ZNF112: variants seen among roughly 807,000 people sequenced by gnomAD.
ZNF112 encodes zinc finger protein 112.
Under a neutral mutation model 77.7 loss-of-function variants are expected in ZNF112, and 37 were observed. That is an observed-to-expected ratio of 0.48 (90% confidence interval 0.37 to 0.63). The LOEUF is 0.63. Ranked by LOEUF, ZNF112 falls within the 20% of genes least tolerant of loss-of-function variation. The pLI is 0.00. For synonymous variants in ZNF112, 333 were observed against 363.6 expected, an observed-to-expected ratio of 0.92 and a Z score of 0.96; for missense variants, 950 against 1,077.4, an observed-to-expected ratio of 0.88 and a Z score of 1.66.
Position 44,327,673 on chromosome 19 carries a change from T to A in ZNF112, c.2484A>T (p.Lys828Asn), listed in dbSNP as rs145394863. The part of the protein sequence containing the change: ...HRVHTGEKPY[K>N]CEVCGKGFSQ... ...TGAAGCCCTTTCCACATACCTCACA[T>A]TTGTATGGTTTCTCTCCTGTGTGGA... Residue 828 changes from lysine (K) to asparagine (N), a missense_variant, in exon 4 of 4, where the codon AAA becomes AAT. Coordinates refer to ENST00000354340, the MANE Select transcript of ZNF112 (RefSeq NM_013380.4). 9.9e-6 allele frequency: 16 copies of A among 1,613,824 alleles called. No individual in the cohort carries two copies. Among genetic ancestry groups the A allele is most frequent in the Non-Finnish European group, 1.2e-5 (14 of 1,179,914 alleles).
exon 1 of ZNF112, chr19:44,367,198 G>A (rs973006996): frequency 6.6e-6 from 3 of 454,044 alleles, no homozygotes; most frequent in African/African-American, 4.0e-5. Context: ...CTTCCTGAAA[G>A]GAATGATGAC....
intron 1 of ZNF112, among the ~76,000 whole-genome samples, chr19:44,361,824 A>G: frequency 6.6e-6 from 1 of 152,208 alleles, no homozygotes; most frequent in East Asian, 1.9e-4. Flanking sequence ...AGTTGTAATA[A>G]ATATGCCACA....
In ZNF112 at chr19:44,327,278, G is replaced by A. The variant is rs574477553; in HGVS notation, c.*155C>T. On this transcript the variant is annotated 3_prime_UTR_variant, in exon 4 of 4. Transcript: ENST00000354340. ...TGTTAAAGTTCTAACAAAATCCCTC[G>A]TGAAACCCCTCTCATTAAATGTCTC... 5.7e-5 allele frequency: 35 copies of A among 612,672 alleles called. No individual in the cohort carries two copies. The highest frequency in any genetic ancestry group is 4.5e-4 in the East Asian group (16 of 35,770). 38.0% of individuals were successfully genotyped at this position (612,672 alleles called of 1,614,324 possible).
Position 44,336,716 on chromosome 19 carries a change from G to C in ZNF112, c.127C>G (p.His43Asp), listed in dbSNP as rs577574811. Reference sequence around the variant, plus strand: ...ATTAGGTCTGGCTTGAAGGGCTGATGTGCTGTAAAGAAGGAAAGGACAGCA... The same window carrying C: ...ATTAGGTCTGGCTTGAAGGGCTGATCTGCTGTAAAGAAGGAAAGGACAGCA... ...ENFRNLLLVA[H>D]QPFKPDLISQ... Residue 43 changes from histidine (H) to aspartate (D), a missense_variant and splice_region_variant, in exon 3 of 4, where the codon CAT becomes GAT. His to Asp is a moderately conservative substitution (Grantham distance 81). Around this residue, in one of 3 missense-constraint regions of ZNF112, gnomAD observed 560 missense variants for 557.3 expected, o/e 1.00. Transcript: ENST00000354340. 135 of 1,613,840 alleles carry C rather than the reference G, an allele frequency of 8.4e-5. 1 individual carries two copies. The South Asian group carries it at 1.4e-3, about 17-fold the overall frequency.
intron 2 of ZNF112, among the ~76,000 whole-genome samples, chr19:44,337,877 A>ACACC (rs1970415432): frequency 8.0e-6 from 1 of 124,414 alleles, no homozygotes; most frequent in African/African-American, 3.2e-5. Context: ...ACACACACAC[A>ACACC]CCCTAGCTCT....
At position 44,327,205 on chromosome 19, in the gene ZNF112, C is replaced by A. The variant is rs1328059359; in HGVS notation, c.*228G>T. 2.3e-6 allele frequency: 1 copy of A among 440,694 alleles called. No homozygotes were observed. Among genetic ancestry groups the A allele is most frequent in the Non-Finnish European group, 4.0e-6 (1 of 250,262 alleles). 27.3% of individuals were successfully genotyped at this position (440,694 alleles called of 1,614,324 possible). ...TCATCACTGTACTTTTATTAAATTCCTGACCATACTCATATTTTATAAGCC... is the reference window on the plus strand; with the variant it reads ...TCATCACTGTACTTTTATTAAATTCATGACCATACTCATATTTTATAAGCC... On this transcript the variant is annotated 3_prime_UTR_variant, in exon 4 of 4. Coordinates refer to ENST00000354340, the MANE Select transcript of ZNF112 (RefSeq NM_013380.4).
chr19:44,365,517 A>G (rs1364638917), intron 1 of ZNF112, among the ~76,000 whole-genome samples: 7 of 152,048 alleles, frequency 4.6e-5, no homozygotes, highest in Non-Finnish European at 1.0e-4. Context: ...GTATACACAC[A>G]CACACATACA....
Position 44,329,243 on chromosome 19 carries a change from T to C in ZNF112, c.914A>G (p.Asp305Gly), listed in dbSNP as rs763625595. 6 of 1,613,786 alleles carry C rather than the reference T, an allele frequency of 3.7e-6. No homozygotes were observed. The Admixed American group carries it at 1.0e-4, about 27-fold the overall frequency. The part of the protein sequence containing the change: ...LHIHQNIERE[D>G]DIENSHLKSY... ...TTTCAGATGTGAATTCTCAATATCATCTTCTCTCTCAATATTTTGATGAAT... is the reference window on the plus strand; with the variant it reads ...TTTCAGATGTGAATTCTCAATATCACCTTCTCTCTCAATATTTTGATGAAT... Residue 305 changes from aspartate (D) to glycine (G), a missense_variant, in exon 4 of 4, where the codon GAT becomes GGT. Coordinates refer to ENST00000354340, the MANE Select transcript of ZNF112 (RefSeq NM_013380.4).
intron 1 of ZNF112, among the ~76,000 whole-genome samples, chr19:44,350,398 T>C (rs1010006238): frequency 2.0e-5 from 3 of 152,040 alleles, no homozygotes; most frequent in African/African-American, 7.2e-5. Flanking sequence ...TGTGATTTTT[T>C]TTAAATCTCA....
At position 44,364,471 on chromosome 19, in the gene ZNF112, T is replaced by A. The variant is rs573636205; in HGVS notation, c.17+2610A>T. 7.9e-5 allele frequency among the ~76,000 whole-genome samples: 12 copies of A among 152,234 alleles called. 1 individual carries two copies. Among genetic ancestry groups the A allele is most frequent in the Admixed American group, 2.0e-4 (3 of 15,288 alleles). On this transcript the variant is annotated intron_variant, in intron 1 of 4. Transcript: ENST00000588057. ...TCTGAAATTTGGGCAGAGTTTAATG[T>A]AGAATAAGGGGCAATTCTTTGCTTG...
chr19:44,345,720 T>C (rs2123190366), intron 1 of ZNF112, among the ~76,000 whole-genome samples: 1 of 152,298 alleles, frequency 6.6e-6, no homozygotes. Context: ...CACACAGGAA[T>C]CTTTCATGTC....
At chr19:44,341,820 T>G (rs1267359525) in intron 1 of ZNF112, among the ~76,000 whole-genome samples, 3 of 152,262 alleles carry the variant, frequency 2.0e-5, no homozygotes, top group African/African-American at 4.8e-5. Context: ...AATGAACAAC[T>G]GTTCAGTCCC....
upstream of ZNF112, among the ~76,000 whole-genome samples, chr19:44,360,021 C>A (rs1321840269): frequency 1.3e-5 from 2 of 151,750 alleles, no homozygotes; most frequent in African/African-American, 2.4e-5. Flanking sequence ...CTTTGTGGGG[C>A]TAAGGCAAGC....
At chr19:44,354,439 T>A (rs1970749341) in intron 1 of ZNF112, among the ~76,000 whole-genome samples, 2 of 152,182 alleles carry the variant, frequency 1.3e-5, no homozygotes, top group South Asian at 4.1e-4. Context: ...TAAATGTTGT[T>A]ACCATTTCTA....
intron 1 of ZNF112, among the ~76,000 whole-genome samples, chr19:44,342,677 G>A (rs1970511897): frequency 6.6e-6 from 1 of 151,874 alleles, no homozygotes; most frequent in African/African-American, 2.4e-5. Flanking sequence ...ATAGCTCGGT[G>A]TGGTGGCAGG....
In ZNF112 at chr19:44,328,416, C is replaced by A. The variant is rs757990345; in HGVS notation, c.1741G>T (p.Gly581Trp). 3 of 1,614,088 alleles carry A rather than the reference C, an allele frequency of 1.9e-6. No homozygotes were observed. Among genetic ancestry groups the A allele is most frequent in the Non-Finnish European group, 8.5e-7 (1 of 1,180,008 alleles). Residue 581 changes from glycine to tryptophan, a missense_variant, in exon 4 of 4, where the codon GGG becomes TGG. Around this residue, in one of 3 missense-constraint regions of ZNF112, gnomAD observed 373 missense variants for 482.8 expected, o/e 0.77. Transcript: ENST00000354340. The stretch of plus-strand genomic sequence containing the variant: ...TATGAATTTCGACTGAACCCCTTCC[C>A]ACATTCCTCACATTTATAAGGTTTT... ...GEKPYKCEEC[G>W]KGFSRNSYLQ...
intron 3 of ZNF112, 41 bp downstream of exon 3, chr19:44,336,582 G>C (rs757131001): frequency 7.2e-6 from 11 of 1,526,258 alleles, no homozygotes; most frequent in Non-Finnish European, 1.0e-5. Context: ...TGTTCTAGAA[G>C]GGGCTCCCTG....
intron 1 of ZNF112, among the ~76,000 whole-genome samples, chr19:44,344,021 G>A (rs2571099): frequency 0.63 from 95,455 of 152,044 alleles, 30,220 homozygotes; most frequent in Admixed American, 0.74. Context: ...TATGAAAAAT[G>A]CAGTGGCTAG....
rs772825751 is a variant in ZNF112 at position 44,328,996 on chromosome 19, C to A, written c.1161G>T (p.Glu387Asp). 15 of 1,613,798 alleles carry A rather than the reference C, an allele frequency of 9.3e-6. No homozygotes were observed. The highest frequency in any genetic ancestry group is 1.3e-5 in the Non-Finnish European group (15 of 1,179,960). ...GACATGAACTCTGATTAAAGACATT[C>A]TCATTTTCCTCATATTCATGGGGTT... is the stretch of plus-strand genomic sequence containing the variant. ...RDEPHEYEEN[E>D]NVFNQSSCLQ... The change falls in exon 4 of 4, where the codon GAG becomes GAT. Residue 387 changes from glutamate to aspartate, a missense_variant. By Grantham distance (45) the Glu-to-Asp change is conservative. This residue lies in a region of ZNF112 where 560 missense variants were observed against 557.3 expected (regional missense o/e 1.00). Transcript: ENST00000354340.
Sources: allele counts gnomAD v4.1 joint callset (sites outside exome capture counted in the v4.1 genomes callset), GRCh38; gene constraint gnomAD v4.1.1; regional missense constraint gnomAD v4.1.1; transcripts MANE v1.5; gene names NCBI Gene and HGNC (gene_info 2026-07-23, HGNC 2026-07-21).